The following PXYLP1 variants were observed in gnomAD, a reference collection of about 807,000 sequenced individuals.
PXYLP1 encodes 2-phosphoxylose phosphatase 1.
PXYLP1 carries 17 observed loss-of-function variants against 37.9 expected under a neutral mutation model. That is an observed-to-expected ratio of 0.45 (90% CI 0.31 to 0.67). The LOEUF is 0.67. PXYLP1 is among the 30% of genes least tolerant of loss of function. The pLI is 0.07. For synonymous variants in PXYLP1, 221 were observed against 232.2 expected (o/e 0.95, Z 0.44); for missense variants, 511 against 612.0 (o/e 0.84, Z 1.74).
At chr3:141,239,303 C>T (rs1420336489) in intron 1 of PXYLP1, among the ~76,000 whole-genome samples, 1 of 152,116 alleles carries the variant, frequency 6.6e-6, no homozygotes, top group Non-Finnish European at 1.5e-5. Context: ...GAAACACAGA[C>T]CTGAAAAATC....
chr3:141,271,720 C>G (rs986957253), intron 2 of PXYLP1, among the ~76,000 whole-genome samples: 13 of 152,228 alleles, frequency 8.5e-5, no homozygotes, highest in Non-Finnish European at 5.9e-5. Flanking sequence ...TGGAAGCCAT[C>G]TGACTCCCAC....
intron 2 of PXYLP1, chr3:141,272,563 G>A (rs1941688552): frequency 1.3e-5 from 2 of 152,158 alleles, no homozygotes; most frequent in Admixed American, 6.6e-5. Flanking sequence ...CAGAACTAAT[G>A]GAATATATAC....
intron 1 of PXYLP1, among the ~76,000 whole-genome samples, chr3:141,245,141 C>T (rs1940908069): frequency 6.6e-6 from 1 of 150,654 alleles, no homozygotes; most frequent in Non-Finnish European, 1.5e-5. Context: ...CCTCTGTCCC[C>T]CAGGTTCAAG....
chr3:141,243,337 A>G (rs1325031645), intron 1 of PXYLP1, among the ~76,000 whole-genome samples: 1 of 152,194 alleles, frequency 6.6e-6, no homozygotes, highest in Non-Finnish European at 1.5e-5. Context: ...TGAGAGTGAC[A>G]TTTCAAGAAT....
At chr3:141,268,830 A>G (rs1941595447) in intron 2 of PXYLP1, among the ~76,000 whole-genome samples, 1 of 152,230 alleles carries the variant, frequency 6.6e-6, no homozygotes, top group Non-Finnish European at 1.5e-5. Flanking sequence ...GGGTGGGCTC[A>G]GGTGGGAAAG....
chr3:141,261,932 C>A (rs1453110416), intron 2 of PXYLP1: 1 of 152,220 alleles, frequency 6.6e-6, no homozygotes, highest in Non-Finnish European at 1.5e-5. Context: ...CTCCGTTTAA[C>A]CACCTCATCC....
chr3:141,280,935 T>C (rs1460309158), intron 4 of PXYLP1, among the ~76,000 whole-genome samples: 1 of 152,212 alleles, frequency 6.6e-6, no homozygotes, highest in Non-Finnish European at 1.5e-5. Flanking sequence ...TGCCACACCC[T>C]GTGACTCTCA....
At chr3:141,275,193 A>G (rs984780041) in intron 2 of PXYLP1, among the ~76,000 whole-genome samples, 1 of 152,206 alleles carries the variant, frequency 6.6e-6, no homozygotes, top group African/African-American at 2.4e-5. Context: ...GAAGCAGCAG[A>G]TAAAATCTTT....
intron 1 of PXYLP1, among the ~76,000 whole-genome samples, chr3:141,258,010 C>T (rs1250065874): frequency 6.6e-6 from 1 of 152,044 alleles, no homozygotes; most frequent in African/African-American, 2.4e-5. Flanking sequence ...TGGCCTCTCC[C>T]ACAAGTCAGG....
At chr3:141,285,772 T>C (rs1289403573) in intron 4 of PXYLP1, among the ~76,000 whole-genome samples, 2 of 152,222 alleles carry the variant, frequency 1.3e-5, no homozygotes, top group Non-Finnish European at 2.9e-5. Flanking sequence ...GGCAGCCTCA[T>C]TGTCAGTCTG....
rs777135980 is a variant in PXYLP1, at chr3:141,293,005, A to G, written c.1243A>G (p.Ser415Gly). ...FELWQDREKPSEHSVRILYNG... is the reference protein window; with the variant it reads ...FELWQDREKPGEHSVRILYNG... Reference sequence around the variant, plus strand: ...GCTTTGGCAAGACAGAGAAAAGCCCAGTGAACATTCCGTCCGGATTCTTTA... The same window carrying G: ...GCTTTGGCAAGACAGAGAAAAGCCCGGTGAACATTCCGTCCGGATTCTTTA... Residue 415 changes from serine (S) to glycine (G), a missense_variant, in exon 6 of 6, where the codon AGT (serine) becomes GGT (glycine). By Grantham distance (56) the Ser-to-Gly change is moderately conservative. Coordinates refer to ENST00000286353, the MANE Select transcript of PXYLP1 (RefSeq NM_001037172.3). 14 of 1,614,234 alleles carry G rather than the reference A, an allele frequency of 8.7e-6. No homozygotes were observed. Among genetic ancestry groups the G allele is most frequent in the Non-Finnish European group, 1.2e-5 (14 of 1,180,044 alleles).
chr3:141,268,204 AGAGTGT>A (rs1278013927), intron 2 of PXYLP1, among the ~76,000 whole-genome samples: 402 of 29,568 alleles, frequency 0.014, no homozygotes, highest in African/African-American at 0.029. Flanking sequence ...AGAGAGAGAG[AGAGTGT>A]GTGTGTGTGT....
At chr3:141,253,505 A>G (rs910005034) in intron 1 of PXYLP1, among the ~76,000 whole-genome samples, 7 of 152,068 alleles carry the variant, frequency 4.6e-5, no homozygotes, top group Admixed American at 1.3e-4. Flanking sequence ...ACCAACACCA[A>G]TCTGCTCTTC....
At chr3:141,233,238 C>T (rs1441348987) in intron 1 of PXYLP1, among the ~76,000 whole-genome samples, 1 of 152,076 alleles carries the variant, frequency 6.6e-6, no homozygotes, top group African/African-American at 2.4e-5. Context: ...GAGGCCGAGG[C>T]GGGCGGATCA....
rs193188170 is a variant in PXYLP1 at position 141,268,415 on chromosome 3, G to A, written c.79+8161G>A. 1.2e-3 allele frequency among the ~76,000 whole-genome samples: 183 copies of A among 152,290 alleles called. 6 individuals carry two copies. Among genetic ancestry groups the A allele is most frequent in the Admixed American group, 0.012 (176 of 15,302 alleles). On this transcript the variant is annotated intron_variant, in intron 2 of 5. Transcript: ENST00000286353. ...TGGCTGTACCCACTGCAGGGAGAGC[G>A]CGAGGCCAGCTGGAGTCTGGCAGGC...
chr3:141,288,053 A>C (rs1942117621), intron 5 of PXYLP1, among the ~76,000 whole-genome samples: 1 of 152,240 alleles, frequency 6.6e-6, no homozygotes, highest in Non-Finnish European at 1.5e-5. Context: ...TGTTTGGCTG[A>C]GCTGAGTTCT....
rs1164374329 is a variant in PXYLP1 at position 141,292,205 on chromosome 3, C to A, written c.506-63C>A. The A allele has an allele frequency of 5.4e-6, 8 of 1,481,958 alleles. No individual in the cohort carries two copies. The highest frequency in any genetic ancestry group is 7.3e-6 in the Non-Finnish European group (8 of 1,098,754). The allele number at this position is 1,481,958 out of a possible 1,614,324, so 91.8% of individuals were successfully genotyped here. On this transcript the variant is annotated intron_variant, in intron 5 of 5. Coordinates refer to ENST00000286353, the MANE Select transcript of PXYLP1 (RefSeq NM_001037172.3). The surrounding 1 kb of genome is among the most constrained non-coding windows in gnomAD (Gnocchi z 4.3). ...CTCCAGAGCCACACGCTGACTCCAC[C>A]TCCCCTTGCTGTTTCTTTTGCTCAG... is the stretch of plus-strand genomic sequence containing the variant.
intron 1 of PXYLP1, among the ~76,000 whole-genome samples, chr3:141,244,319 G>A (rs923851093): frequency 2.0e-5 from 3 of 151,842 alleles, no homozygotes; most frequent in African/African-American, 7.3e-5. Context: ...ATTGTAGCTT[G>A]TCTTTTTGAC....
chr3:141,248,671 ACG>A (rs1272068156), intron 1 of PXYLP1, among the ~76,000 whole-genome samples: 2 of 80,846 alleles, frequency 2.5e-5, no homozygotes, highest in South Asian at 4.7e-4. Flanking sequence ...ATATACACAC[ACG>A]TGTATATATA....
Sources: gnomAD v4.1 joint callset for allele counts (sites outside exome capture counted in the v4.1 genomes callset) on GRCh38, gnomAD v4.1.1 for gene constraint, Gnocchi (gnomAD v3.1) non-coding constraint, MANE v1.5 for transcripts, NCBI Gene and HGNC (gene_info 2026-07-23, HGNC 2026-07-21) for gene names.